Variants in PCDHGA1 observed in about 807,000 individuals in gnomAD.
The protein encoded by PCDHGA1 is protocadherin gamma subfamily A, 1, also known as protocadherin gamma-A1.
Under a neutral mutation model 58.0 loss-of-function variants are expected in PCDHGA1, and 32 were observed. The ratio of observed to expected loss-of-function variants is 0.55; its 90% CI spans 0.42 to 0.74. The LOEUF is 0.74. Ranked by LOEUF, PCDHGA1 falls within the 30% of genes least tolerant of loss-of-function variation. The pLI, the probability that PCDHGA1 is intolerant of heterozygous loss-of-function variation, is 0.00. For synonymous variants in PCDHGA1, 498 were observed against 501.1 expected, an observed-to-expected ratio of 0.99 and a Z score of 0.08; for missense variants, 1,205 against 1,182.3, an observed-to-expected ratio of 1.02 and a Z score of -0.28.
chr5:141,351,063 A>G (rs762319245), intron 1 of PCDHGA1: 3 of 1,613,950 alleles, frequency 1.9e-6, no homozygotes, highest in Non-Finnish European at 2.5e-6. Flanking sequence ...GACCAGGATG[A>G]GGGCATTAAT....
chr5:141,376,384 T>G, intron 1 of PCDHGA1: 1 of 1,614,204 alleles, frequency 6.2e-7, no homozygotes, highest in South Asian at 1.1e-5. Flanking sequence ...GTAAGAGTCA[T>G]CTGATTTTCC....
chr5:141,330,630 G>A lies in PCDHGA1; in HGVS notation c.-55G>A. 6.6e-7 allele frequency: 1 copy of A among 1,513,330 alleles called. No homozygotes were observed. The allele number at this position is 1,513,330 out of a possible 1,614,324, so 93.7% of individuals were successfully genotyped here. A position where few individuals can be genotyped will look rare whatever the true frequency, so the allele number is the denominator to read the frequency against. ...ATTGGGTTAATTTCAGCTCAGAAAA[G>A]CAGAAACGATACCCTTGGTACTGGA... On this transcript the variant is annotated 5_prime_UTR_variant, in exon 1 of 4. Coordinates refer to ENST00000517417, the MANE Select transcript of PCDHGA1 (RefSeq NM_018912.3).
intron 1 of PCDHGA1, chr5:141,372,079 T>C: frequency 6.2e-7 from 1 of 1,613,698 alleles, no homozygotes; most frequent in East Asian, 2.2e-5. Flanking sequence ...GCACCGCTGG[T>C]GCTGTACCCA....
chr5:141,388,628 G>A (rs752578230), intron 1 of PCDHGA1: 2 of 1,613,898 alleles, frequency 1.2e-6, no homozygotes. Flanking sequence ...ACGTATACAG[G>A]GTGAGCCTTT....
chr5:141,449,916 T>C (rs1453191109), intron 1 of PCDHGA1, among the ~76,000 whole-genome samples: 1 of 151,912 alleles, frequency 6.6e-6, no homozygotes, highest in East Asian at 1.9e-4. Context: ...CATATTTAAA[T>C]TCTACCATAC....
At chr5:141,453,175 A>G (rs928062909) in intron 1 of PCDHGA1, among the ~76,000 whole-genome samples, 2 of 152,088 alleles carry the variant, frequency 1.3e-5, no homozygotes, top group African/African-American at 4.8e-5. Context: ...GTCCAGTGGT[A>G]CAATCACAGC....
chr5:141,418,323 A>G, intron 1 of PCDHGA1: 2 of 1,614,004 alleles, frequency 1.2e-6, no homozygotes, highest in Non-Finnish European at 1.7e-6. Flanking sequence ...ACAATTCTTG[A>G]GTCTGCAGAA....
chr5:141,449,854 T>C (rs769118919), intron 1 of PCDHGA1, among the ~76,000 whole-genome samples: 7 of 151,974 alleles, frequency 4.6e-5, no homozygotes, highest in South Asian at 4.1e-4. Context: ...ATTTTAATAA[T>C]AAAAATCAGA....
chr5:141,346,170 G>C, intron 1 of PCDHGA1: 1 of 1,614,062 alleles, frequency 6.2e-7, no homozygotes, highest in Non-Finnish European at 8.5e-7. Context: ...CGTGCTGCTG[G>C]CGCTCAGGCT....
chr5:141,375,244 G>T (rs527726605), intron 1 of PCDHGA1: 4 of 1,613,892 alleles, frequency 2.5e-6, no homozygotes, highest in Non-Finnish European at 3.4e-6. Context: ...GTTCCATCCC[G>T]AGAAGTCTCC....
intron 1 of PCDHGA1, among the ~76,000 whole-genome samples, chr5:141,448,660 G>T (rs2098599264): frequency 6.6e-6 from 1 of 151,712 alleles, no homozygotes; most frequent in African/African-American, 2.4e-5. Context: ...TTCCATATTG[G>T]CCGGGCGCGG....
intron 1 of PCDHGA1, among the ~76,000 whole-genome samples, chr5:141,450,830 T>TTTA (rs1554136905): frequency 6.9e-5 from 7 of 101,548 alleles, no homozygotes; most frequent in East Asian, 2.6e-4. Flanking sequence ...ATTATTATTA[T>TTTA]TTTTTTTTTT....
intron 1 of PCDHGA1, chr5:141,372,982 GT>G: frequency 1.6e-6 from 1 of 641,336 alleles, no homozygotes; most frequent in East Asian, 2.8e-5. Flanking sequence ...GAATATCTGT[GT>G]TGCAGTTGTT....
intron 1 of PCDHGA1, chr5:141,421,347 C>G: frequency 6.2e-7 from 1 of 1,613,948 alleles, no homozygotes; most frequent in Non-Finnish European, 8.5e-7. Flanking sequence ...CAGAAGAGAC[C>G]GAAAAGGGCT....
chr5:141,429,528 A>T (rs1405050386), intron 1 of PCDHGA1, among the ~76,000 whole-genome samples: 1 of 152,166 alleles, frequency 6.6e-6, no homozygotes, highest in African/African-American at 2.4e-5. Context: ...AAAAAAGCTT[A>T]AAAAAATAAG....
intron 1 of PCDHGA1, chr5:141,419,226 C>T (rs560904796): frequency 1.9e-6 from 3 of 1,614,006 alleles, no homozygotes; most frequent in East Asian, 2.2e-5. Context: ...GGACAGTCAG[C>T]CTACCTGGTC....
At chr5:141,374,172 A>G (rs1770228418) in intron 1 of PCDHGA1, 1 of 1,613,330 alleles carries the variant, frequency 6.2e-7, no homozygotes, top group Non-Finnish European at 8.5e-7. Context: ...GCGGCAGCGC[A>G]GATCCGCTAC....
Position 141,491,733 on chromosome 5 carries a change from TG to T in PCDHGA1, c.2422-3069del. 6.2e-7 allele frequency: 1 copy of T among 1,602,698 alleles called. No individual in the cohort carries two copies. Among genetic ancestry groups the T allele is most frequent in the Non-Finnish European group, 8.5e-7 (1 of 1,175,258 alleles). On this transcript the variant is annotated intron_variant, in intron 1 of 3. Coordinates refer to ENST00000517417, the MANE Select transcript of PCDHGA1 (RefSeq NM_018912.3). This position sits in a 1 kb window ranked among gnomAD's most constrained non-coding sequence, Gnocchi z 6.9. ...GCTCGGCGCCGCCCCGGGCGACCCC[TG>T]GGGGCGGCACTGGAGAAGCCGCCCG...
intron 1 of PCDHGA1, among the ~76,000 whole-genome samples, chr5:141,386,783 C>A (rs1254282500): frequency 6.6e-6 from 1 of 152,150 alleles, no homozygotes; most frequent in Non-Finnish European, 1.5e-5. Context: ...AAAAGAAAAT[C>A]TCCTGACCAA....
Sources: gnomAD v4.1 joint callset for allele counts (sites outside exome capture counted in the v4.1 genomes callset) on GRCh38, gnomAD v4.1.1 for gene constraint, Gnocchi (gnomAD v3.1) non-coding constraint, MANE v1.5 for transcripts, NCBI Gene and HGNC (gene_info 2026-07-23, HGNC 2026-07-21) for gene names.